RAB6A: variants seen among roughly 807,000 people sequenced by gnomAD.
The protein encoded by RAB6A is ras-related protein Rab-6A.
A neutral mutation model predicts 32.3 loss-of-function variants in RAB6A; 8 were observed. The observed-to-expected ratio is 0.25, with a 90% CI of 0.15 to 0.45. The LOEUF (loss-of-function observed/expected upper bound fraction) is 0.45, where lower values mean the gene tolerates loss of function less well. RAB6A is among the 20% of genes least tolerant of loss of function. RAB6A has a pLI of 1.00. For missense variants in RAB6A, 104 were observed against 249.4 expected (o/e 0.42, Z 3.93); for synonymous variants, 73 against 82.1 (o/e 0.89, Z 0.60).
intron 6 of RAB6A, among the ~76,000 whole-genome samples, chr11:73,697,284 A>T (rs1387877628): frequency 6.6e-6 from 1 of 151,148 alleles, no homozygotes; most frequent in East Asian, 1.9e-4. Context: ...AATTCCCTTC[A>T]CCAGTATTCT....
chr11:73,687,407 CTCTTGGGCTCAAGCAATCCTCTCA>C (rs1437013404), intron 6 of RAB6A, among the ~76,000 whole-genome samples: 3 of 152,186 alleles, frequency 2.0e-5, no homozygotes, highest in Non-Finnish European at 4.4e-5. Flanking sequence ...TAGGCACAAA[CTCTTGGGCTCAAGCAATCCTCTCA>C]TCTTGGCCTC....
chr11:73,709,509 T>A (rs939494450), intron 5 of RAB6A, among the ~76,000 whole-genome samples: 1 of 148,808 alleles, frequency 6.7e-6, no homozygotes. Flanking sequence ...TTATAGTAAT[T>A]ACTGATTTTC....
At chr11:73,701,796 C>T (rs990436401) in intron 6 of RAB6A, among the ~76,000 whole-genome samples, 5 of 151,996 alleles carry the variant, frequency 3.3e-5, no homozygotes, top group African/African-American at 1.2e-4. Context: ...GGGACTACCA[C>T]GCTGGGTTAA....
intron 6 of RAB6A, among the ~76,000 whole-genome samples, chr11:73,706,732 T>A (rs964192932): frequency 1.3e-5 from 2 of 152,156 alleles, no homozygotes; most frequent in Non-Finnish European, 2.9e-5. Flanking sequence ...AAGGATAAAG[T>A]AACCAGAATT....
At chr11:73,685,800 G>A (rs1274140805) in intron 6 of RAB6A, among the ~76,000 whole-genome samples, 2 of 146,642 alleles carry the variant, frequency 1.4e-5, no homozygotes, top group African/African-American at 2.5e-5. Flanking sequence ...CAGGAGAATC[G>A]CTTGAACCGG....
intron 6 of RAB6A, among the ~76,000 whole-genome samples, chr11:73,702,606 C>G (rs1283837260): frequency 6.6e-6 from 1 of 152,124 alleles, no homozygotes; most frequent in Admixed American, 6.6e-5. Flanking sequence ...AAACTTGTCT[C>G]AATAAATTAC....
chr11:73,740,128 C>T (rs1236510635), intron 1 of RAB6A, among the ~76,000 whole-genome samples: 2 of 151,548 alleles, frequency 1.3e-5, no homozygotes, highest in Non-Finnish European at 2.9e-5. Context: ...TAAATTCTGA[C>T]CTGCTTCATA....
intron 1 of RAB6A, among the ~76,000 whole-genome samples, chr11:73,753,583 C>T (rs1186608667): frequency 1.3e-5 from 2 of 151,658 alleles, no homozygotes; most frequent in African/African-American, 2.4e-5. Context: ...TGGTGGCGGG[C>T]GCCTGTAGTC....
intron 1 of RAB6A, among the ~76,000 whole-genome samples, chr11:73,755,215 G>A (rs2135019397): frequency 6.6e-6 from 1 of 152,174 alleles, no homozygotes; most frequent in Non-Finnish European, 1.5e-5. Context: ...ACAAGCATGA[G>A]CCACCACGCT....
chr11:73,709,962 T>TACA (rs113487024), intron 5 of RAB6A, among the ~76,000 whole-genome samples: 2 of 132,784 alleles, frequency 1.5e-5, no homozygotes, highest in Non-Finnish European at 3.1e-5. Flanking sequence ...TATATATATA[T>TACA]TTTTTTTTTT....
chr11:73,730,614 AATC>A (rs1182458101), intron 2 of RAB6A, 148 bp downstream of exon 2: 2 of 629,712 alleles, frequency 3.2e-6, no homozygotes, highest in East Asian at 3.0e-5. Flanking sequence ...GACTGGACAA[AATC>A]ATTTACACAT....
chr11:73,736,738 G>C (rs1321669608), intron 1 of RAB6A, among the ~76,000 whole-genome samples: 1 of 144,978 alleles, frequency 6.9e-6, no homozygotes, highest in Non-Finnish European at 1.5e-5. Flanking sequence ...GTTACAGTGA[G>C]CCAAGACTGT....
chr11:73,740,327 G>A (rs1232895536), intron 1 of RAB6A, among the ~76,000 whole-genome samples: 1 of 152,050 alleles, frequency 6.6e-6, no homozygotes, highest in African/African-American at 2.4e-5. Context: ...GTTCCATCCT[G>A]GTAACAAAGA....
intron 5 of RAB6A, among the ~76,000 whole-genome samples, chr11:73,708,690 A>G (rs898918248): frequency 6.6e-6 from 1 of 152,234 alleles, no homozygotes; most frequent in African/African-American, 2.4e-5. Flanking sequence ...CCATAAATAT[A>G]CAAATGTTCT....
At chr11:73,683,442 G>A (rs1167284942) in intron 6 of RAB6A, among the ~76,000 whole-genome samples, 1 of 151,534 alleles carries the variant, frequency 6.6e-6, no homozygotes, top group Admixed American at 6.6e-5. Context: ...TTTTTTTGTA[G>A]AAAAGAGGTT....
chr11:73,714,212 A>T (rs11235874), intron 5 of RAB6A, among the ~76,000 whole-genome samples: 1 of 90,524 alleles, frequency 1.1e-5, no homozygotes, highest in Non-Finnish European at 2.4e-5. Flanking sequence ...AAAAAAAAAT[A>T]TATATATATA....
chr11:73,687,190 CA>C (rs1458981013), intron 6 of RAB6A, among the ~76,000 whole-genome samples: 1 of 151,940 alleles, frequency 6.6e-6, no homozygotes, highest in Non-Finnish European at 1.5e-5. Context: ...TTCACAGACA[CA>C]AAGTAGAATG....
chr11:73,738,079 A>G (rs1291877501), intron 1 of RAB6A, among the ~76,000 whole-genome samples: 3 of 151,924 alleles, frequency 2.0e-5, no homozygotes, highest in Non-Finnish European at 4.4e-5. Flanking sequence ...AAATTATATG[A>G]TATGTAAACT....
At position 73,716,371 on chromosome 11, in the gene RAB6A, G is replaced by C. The variant is rs745680798; in HGVS notation, c.290-9C>G. On this transcript the variant is annotated splice_polypyrimidine_tract_variant and intron_variant, in intron 4 of 7. Transcript: ENST00000336083. The stretch of plus-strand genomic sequence containing the variant: ...CTGGAATGAGTTAACATCTAGTATA[G>C]GAGGGTAGACAGAGAGATTAGTGTT... 4 of 1,594,112 alleles carry C rather than the reference G, an allele frequency of 2.5e-6. No homozygotes were observed. Among genetic ancestry groups the C allele is most frequent in the Non-Finnish European group, 3.4e-6 (4 of 1,162,360 alleles).
Sources: allele counts gnomAD v4.1 joint callset (sites outside exome capture counted in the v4.1 genomes callset), GRCh38; gene constraint gnomAD v4.1.1; transcripts MANE v1.5; gene names NCBI Gene and HGNC (gene_info 2026-07-23, HGNC 2026-07-21).